The following RAPGEF6 variants were observed in gnomAD, a reference collection of about 807,000 sequenced individuals.
RAPGEF6 encodes PDZ domain containing guanine nucleotide exchange factor (GEF) 2.
Under a neutral mutation model 171.4 loss-of-function variants are expected in RAPGEF6, and 56 were observed. The observed-to-expected ratio is 0.33, with a 90% CI of 0.26 to 0.41. RAPGEF6 has a LOEUF of 0.41. Ranked by LOEUF, RAPGEF6 falls within the 10% of genes least tolerant of loss-of-function variation. The pLI, the probability that RAPGEF6 is intolerant of heterozygous loss-of-function variation, is 1.00. For synonymous variants in RAPGEF6, 692 were observed against 650.1 expected (o/e 1.06, Z -0.98); for missense variants, 1,674 against 1,921.4 (o/e 0.87, Z 2.41).
At chr5:131,535,790 A>G (rs1368302191) in intron 6 of RAPGEF6, among the ~76,000 whole-genome samples, 2 of 152,200 alleles carry the variant, frequency 1.3e-5, no homozygotes, top group African/African-American at 4.8e-5. Flanking sequence ...ATTGTTTAGA[A>G]AGCCAAAGAT....
intron 1 of RAPGEF6, among the ~76,000 whole-genome samples, chr5:131,613,052 T>C (rs73788715): frequency 0.027 from 4,058 of 152,296 alleles, 191 homozygotes; most frequent in African/African-American, 0.092. Context: ...AGGGACAATT[T>C]GGACAAATGA....
intron 7 of RAPGEF6, among the ~76,000 whole-genome samples, chr5:131,516,641 T>C (rs1758103096): frequency 6.6e-6 from 1 of 152,182 alleles, no homozygotes; most frequent in African/African-American, 2.4e-5. Flanking sequence ...AGAGTCAATA[T>C]TTCACAGTTT....
At chr5:131,510,538 T>C in intron 7 of RAPGEF6, 47 bp from the exon 8 acceptor site, 1 of 1,565,748 alleles carries the variant, frequency 6.4e-7, no homozygotes, top group South Asian at 1.2e-5. Context: ...TAAAAAATAT[T>C]ATAAGTCACA....
intron 4 of RAPGEF6, among the ~76,000 whole-genome samples, chr5:131,566,052 C>A (rs1367523640): frequency 3.3e-5 from 5 of 151,642 alleles, no homozygotes; most frequent in East Asian, 1.9e-4. Context: ...AAGGTTGAGG[C>A]AGGAGGATCA....
At chr5:131,571,457 A>C (rs1762277032) in intron 4 of RAPGEF6, among the ~76,000 whole-genome samples, 1 of 152,238 alleles carries the variant, frequency 6.6e-6, no homozygotes, top group Non-Finnish European at 1.5e-5. Context: ...AATACTAAAA[A>C]AATATAAAAC....
In RAPGEF6 at chr5:131,603,310, G is replaced by A; in HGVS notation, c.158C>T (p.Ala53Val). 6.4e-7 allele frequency: 1 copy of A among 1,564,408 alleles called. No homozygotes were observed. Among genetic ancestry groups the A allele is most frequent in the Admixed American group, 1.9e-5 (1 of 52,186 alleles). ...ATTGCCACTGTATCTCTCATAGCGTGCTCTTGCAGACATTAATCTATTAAA... is the reference window on the plus strand; with the variant it reads ...ATTGCCACTGTATCTCTCATAGCGTACTCTTGCAGACATTAATCTATTAAA... ...EHQLRLMSARARYERYSGNQV... is the reference protein window; with the variant it reads ...EHQLRLMSARVRYERYSGNQV... The change falls in exon 3 of 28, where the codon GCA becomes GTA. Residue 53 changes from alanine to valine, a missense_variant. This residue lies in a region of RAPGEF6 where 1,116 missense variants were observed against 1,321.5 expected (regional missense o/e 0.84). Coordinates refer to ENST00000509018, the MANE Select transcript of RAPGEF6 (RefSeq NM_016340.6).
intron 1 of RAPGEF6, among the ~76,000 whole-genome samples, chr5:131,622,640 C>G (rs939804611): frequency 6.6e-6 from 1 of 152,196 alleles, no homozygotes; most frequent in Non-Finnish European, 1.5e-5. Context: ...AGTTGGGAAT[C>G]TCCAACACAC....
intron 6 of RAPGEF6, among the ~76,000 whole-genome samples, chr5:131,524,143 G>C (rs1272347987): frequency 6.6e-6 from 1 of 152,124 alleles, no homozygotes; most frequent in Non-Finnish European, 1.5e-5. Context: ...AATCCACTGG[G>C]AGAAGAAAAA....
intron 16 of RAPGEF6, among the ~76,000 whole-genome samples, chr5:131,475,146 T>A (rs1009662186): frequency 2.6e-5 from 4 of 152,182 alleles, no homozygotes; most frequent in African/African-American, 7.2e-5. Context: ...GTAATTAAAG[T>A]GTGAGGTGCA....
At chr5:131,612,020 A>C (rs1463726946) in intron 1 of RAPGEF6, among the ~76,000 whole-genome samples, 1 of 152,034 alleles carries the variant, frequency 6.6e-6, no homozygotes, top group Admixed American at 6.6e-5. Context: ...TTCAGTGGAC[A>C]CTGAATTATG....
intron 20 of RAPGEF6, among the ~76,000 whole-genome samples, chr5:131,455,451 G>T (rs1371752322): frequency 6.6e-6 from 1 of 152,068 alleles, no homozygotes; most frequent in Non-Finnish European, 1.5e-5. Flanking sequence ...AGTAGAGATG[G>T]GTTTCACCAT....
chr5:131,480,522 A>G (rs1159527516), intron 15 of RAPGEF6, among the ~76,000 whole-genome samples: 1 of 152,206 alleles, frequency 6.6e-6, no homozygotes, highest in Non-Finnish European at 1.5e-5. Context: ...TCTGTCGCCC[A>G]GGCTGGAGTG....
chr5:131,439,824 T>C, intron 23 of RAPGEF6, 109 bp from the exon 24 acceptor site: 1 of 1,461,510 alleles, frequency 6.8e-7, no homozygotes, highest in Non-Finnish European at 9.1e-7. Flanking sequence ...GCTAGTGTAG[T>C]CAACTGAAAT....
chr5:131,524,677 G>A (rs1383717653), intron 6 of RAPGEF6, among the ~76,000 whole-genome samples: 2 of 151,786 alleles, frequency 1.3e-5, no homozygotes, highest in Non-Finnish European at 2.9e-5. Flanking sequence ...GTGCAGCGGC[G>A]CAATCTCGGC....
chr5:131,604,589 C>A (rs749255213), intron 2 of RAPGEF6, 34 bp downstream of exon 2: 8 of 1,599,978 alleles, frequency 5.0e-6, no homozygotes, highest in Non-Finnish European at 6.8e-6. Flanking sequence ...AATGGCTATA[C>A]AGCGTGTGCT....
Position 131,427,049 on chromosome 5 carries a change from G to C in RAPGEF6, c.*217C>G. 1 of 582,948 alleles carries C rather than the reference G, an allele frequency of 1.7e-6. No individual in the cohort carries two copies. Among genetic ancestry groups the C allele is most frequent in the Non-Finnish European group, 3.0e-6 (1 of 332,156 alleles). 36.1% of individuals were successfully genotyped at this position (582,948 alleles called of 1,614,324 possible). On this transcript the variant is annotated 3_prime_UTR_variant, in exon 28 of 28. Coordinates refer to ENST00000509018, the MANE Select transcript of RAPGEF6 (RefSeq NM_016340.6). ...CGTGCAAAGTGGAGACTGGTATCCA[G>C]GCATAGCATCCATTGCTCAGGAAAC...
chr5:131,574,445 GCT>G (rs1464988105), intron 4 of RAPGEF6, among the ~76,000 whole-genome samples: 1 of 151,990 alleles, frequency 6.6e-6, no homozygotes, highest in Non-Finnish European at 1.5e-5. Context: ...CAATACGGGG[GCT>G]ACCCACTCCA....
Position 131,425,126 on chromosome 5 carries a change from G to C in RAPGEF6, c.*2140C>G, listed in dbSNP as rs921564957. 1.8e-4 allele frequency: 27 copies of C among 152,466 alleles called. No homozygotes were observed. The highest frequency in any genetic ancestry group is 6.3e-4 in the African/African-American group (26 of 41,570). 9.4% of individuals were successfully genotyped at this position (152,466 alleles called of 1,614,324 possible). On this transcript the variant is annotated 3_prime_UTR_variant, in exon 28 of 28. Coordinates refer to ENST00000509018, the MANE Select transcript of RAPGEF6 (RefSeq NM_016340.6). ...ATCTGAACACTCACAGTTAAAGCTA[G>C]ATAGATAAAACAAAGGCAGCTGTAA...
chr5:131,482,056 T>A (rs1755524057), intron 15 of RAPGEF6, among the ~76,000 whole-genome samples: 1 of 152,170 alleles, frequency 6.6e-6, no homozygotes, highest in Non-Finnish European at 1.5e-5. Flanking sequence ...AACTTGGTAT[T>A]CACTTGTAAA....
Sources: gnomAD v4.1 joint callset for allele counts (sites outside exome capture counted in the v4.1 genomes callset) on GRCh38, gnomAD v4.1.1 for gene constraint, gnomAD v4.1.1 regional missense constraint, MANE v1.5 for transcripts, NCBI Gene and HGNC (gene_info 2026-07-23, HGNC 2026-07-21) for gene names.